Variants in BCAR3 observed in about 807,000 individuals in gnomAD.
The protein encoded by BCAR3 is breast cancer anti-estrogen resistance protein 3.
A neutral mutation model predicts 80.1 loss-of-function variants in BCAR3; 37 were observed. The ratio of observed to expected loss-of-function variants is 0.46; its 90% CI spans 0.36 to 0.61. The LOEUF (loss-of-function observed/expected upper bound fraction) is 0.61, where lower values mean the gene tolerates loss of function less well. Among genes scored for constraint, BCAR3 ranks in the 20% least tolerant of loss-of-function variants. The probability of loss-of-function intolerance (pLI) is 0.00; values close to 1 mark genes in which losing one functional copy is unlikely to be tolerated. For synonymous variants in BCAR3, 389 were observed against 418.9 expected (o/e 0.93, Z 0.87); for missense variants, 978 against 1,068.2 (o/e 0.92, Z 1.18).
At chr1:93,718,682 GTTT>G (rs1462215567) in intron 2 of BCAR3, among the ~76,000 whole-genome samples, 77 of 126,002 alleles carry the variant, frequency 6.1e-4, no homozygotes, top group Admixed American at 2.1e-3. Context: ...GAACTACATT[GTTT>G]TTCTTTTTTT....
intron 2 of BCAR3, among the ~76,000 whole-genome samples, chr1:93,817,959 C>T (rs1654078657): frequency 6.6e-6 from 1 of 152,184 alleles, no homozygotes; most frequent in Non-Finnish European, 1.5e-5. Context: ...CCCGCCGCCC[C>T]ACACCACACG....
intron 2 of BCAR3, among the ~76,000 whole-genome samples, chr1:93,819,531 C>T (rs2100816778): frequency 6.6e-6 from 1 of 152,300 alleles, no homozygotes; most frequent in Non-Finnish European, 1.5e-5. Flanking sequence ...ACTCTTAGCT[C>T]TCTTCTGGAT....
At chr1:93,607,267 C>T (rs189830984) in intron 3 of BCAR3, among the ~76,000 whole-genome samples, 2 of 152,198 alleles carry the variant, frequency 1.3e-5, no homozygotes, top group African/African-American at 4.8e-5. Flanking sequence ...GACTGTTAAC[C>T]AGCTTCGGGG....
chr1:93,614,105 T>C (rs1300799240), intron 3 of BCAR3: 3 of 1,414,822 alleles, frequency 2.1e-6, no homozygotes, highest in South Asian at 1.6e-5. Flanking sequence ...TCTGGGACTT[T>C]TCCCCTCTGC....
At chr1:93,761,266 C>T (rs1295980484) in intron 2 of BCAR3, among the ~76,000 whole-genome samples, 1 of 152,190 alleles carries the variant, frequency 6.6e-6, no homozygotes, top group Non-Finnish European at 1.5e-5. Context: ...TTTCTGCTGA[C>T]CCCAACGTCC....
chr1:93,839,062 G>C (rs1262095371), intron 2 of BCAR3, among the ~76,000 whole-genome samples: 1 of 152,228 alleles, frequency 6.6e-6, no homozygotes, highest in Non-Finnish European at 1.5e-5. Context: ...CAGCACTTTG[G>C]GAGGCCGAGG....
rs373281443 is a variant in BCAR3, at chr1:93,737,194, G to T, written c.-62-31052C>A. ...GGGAAAGCCTCAAAGCAGAACAGTG[G>T]TGATGGTGAAAGTCTGGAGTAGAGA... On this transcript the variant is annotated intron_variant, in intron 2 of 13. Coordinates refer to the BCAR3 transcript ENST00000370244. 2.6e-4 allele frequency among the ~76,000 whole-genome samples: 39 copies of T among 152,320 alleles called. 3 individuals are homozygous for T. The highest frequency in any genetic ancestry group is 1.2e-3 in the Admixed American group (19 of 15,310).
At chr1:93,733,737 G>A (rs1454920001) in intron 2 of BCAR3, among the ~76,000 whole-genome samples, 3 of 152,224 alleles carry the variant, frequency 2.0e-5, no homozygotes, top group Non-Finnish European at 2.9e-5. Context: ...GTGTATGCAC[G>A]TGGGTTGTGT....
chr1:93,659,611 ATAAGGTTAT>A (rs1557643537), intron 2 of BCAR3, among the ~76,000 whole-genome samples: 3 of 152,068 alleles, frequency 2.0e-5, no homozygotes, highest in African/African-American at 7.2e-5. Flanking sequence ...GTTCTATTAG[ATAAGGTTAT>A]TACATGGGAC....
intron 2 of BCAR3, among the ~76,000 whole-genome samples, chr1:93,660,014 C>T (rs144189528): frequency 3.2e-4 from 48 of 152,200 alleles, no homozygotes; most frequent in African/African-American, 1.1e-3. Flanking sequence ...TTGTACCTCC[C>T]GTGCAGTTGC....
chr1:93,652,691 T>C (rs1394207878), intron 2 of BCAR3, among the ~76,000 whole-genome samples: 1 of 152,166 alleles, frequency 6.6e-6, no homozygotes, highest in Non-Finnish European at 1.5e-5. Flanking sequence ...CCTCACCCTG[T>C]GATTCCATGG....
intron 3 of BCAR3, among the ~76,000 whole-genome samples, chr1:93,634,875 C>T (rs753465783): frequency 3.9e-5 from 6 of 152,288 alleles, no homozygotes; most frequent in Non-Finnish European, 8.8e-5. Context: ...TGCCCAGTCT[C>T]GGGTATGTCT....
rs149240743 is a variant in BCAR3, at chr1:93,711,135, C to T, written c.-62-4993G>A. ...AATAGAAGCTGCAGGCTTTTGTGAA[C>T]TAATATCAGAAGCAACACATCATCC... On this transcript the variant is annotated intron_variant, in intron 2 of 13. Transcript: ENST00000370244. Among the ~76,000 whole-genome samples the T allele has an allele frequency of 5.9e-5, 9 of 152,326 alleles. No homozygotes were observed. In the East Asian group the frequency reaches 9.7e-4, roughly 16 times the overall value.
At chr1:93,660,066 G>C (rs1479398669) in intron 2 of BCAR3, among the ~76,000 whole-genome samples, 1 of 152,008 alleles carries the variant, frequency 6.6e-6, no homozygotes, top group Admixed American at 6.6e-5. Context: ...GTGTGTGTGT[G>C]TGTGTGTGTG....
chr1:93,647,748 C>T (rs893943151), intron 2 of BCAR3, among the ~76,000 whole-genome samples: 1 of 151,890 alleles, frequency 6.6e-6, no homozygotes, highest in African/African-American at 2.4e-5. Flanking sequence ...ACCAGCTGTA[C>T]GATAAAGTTC....
At chr1:93,565,388 T>TTA (rs56106149) in intron 11 of BCAR3, among the ~76,000 whole-genome samples, 4 of 151,404 alleles carry the variant, frequency 2.6e-5, no homozygotes, top group Non-Finnish European at 5.9e-5. Context: ...CTCCTATTCA[T>TTA]ACATGCTTTG....
intron 3 of BCAR3, among the ~76,000 whole-genome samples, chr1:93,627,835 T>C (rs561060693): frequency 3.3e-5 from 5 of 152,226 alleles, no homozygotes; most frequent in Non-Finnish European, 5.9e-5. Context: ...TAAGAACTTC[T>C]GCTCTAATAT....
chr1:93,711,297 A>G (rs1005369938), intron 2 of BCAR3, among the ~76,000 whole-genome samples: 8 of 152,142 alleles, frequency 5.3e-5, no homozygotes, highest in Non-Finnish European at 4.4e-5. Context: ...CTTTCCCTTA[A>G]GATATACTTG....
intron 4 of BCAR3, chr1:93,590,196 T>C (rs960156470): frequency 6.6e-6 from 1 of 152,240 alleles, no homozygotes; most frequent in Non-Finnish European, 1.5e-5. Flanking sequence ...ATGTAAGCAC[T>C]GGAACACAGT....
Sources: allele counts gnomAD v4.1 joint callset (sites outside exome capture counted in the v4.1 genomes callset), GRCh38; gene constraint gnomAD v4.1.1; transcripts MANE v1.5; gene names NCBI Gene and HGNC (gene_info 2026-07-23, HGNC 2026-07-21).